TMEM100: variants seen among roughly 807,000 people sequenced by gnomAD.
TMEM100 encodes the protein transmembrane protein 100.
For synonymous variants in TMEM100, 61 were observed against 67.1 expected (o/e 0.91, Z 0.44); for missense variants, 137 against 168.2 (o/e 0.81, Z 1.02).
Position 55,720,722 on chromosome 17 carries a change from T to C in TMEM100, c.349A>G (p.Lys117Glu). The stretch of plus-strand genomic sequence containing the variant: ...AGAGCTGTTTGACTCTCCCGTCTCT[T>C]GGCTTTCTTGCTCCTTTGTCTCACT... ...WKVRQRSKKA[K>E]RRESQTALVA... Residue 117 changes from lysine to glutamate, a missense_variant, in exon 2 of 2, where the codon AAG becomes GAG. By Grantham distance (56) the Lys-to-Glu change is moderately conservative. Coordinates refer to ENST00000424486, the MANE Select transcript of TMEM100 (RefSeq NM_018286.3). The C allele has an allele frequency of 6.2e-7, 1 of 1,614,150 alleles. No individual in the cohort carries two copies. The highest frequency in any genetic ancestry group is 8.5e-7 in the Non-Finnish European group (1 of 1,179,994).
chr17:55,726,035 G>T (rs1447994433), upstream of TMEM100, among the ~76,000 whole-genome samples: 1 of 152,130 alleles, frequency 6.6e-6, no homozygotes, highest in African/African-American at 2.4e-5. Flanking sequence ...GGAGTACAAG[G>T]AAGATTAGGA....
Position 55,722,646 on chromosome 17 carries a change from G to A in TMEM100, c.-93C>T, listed in dbSNP as rs1223648201. 1 of 152,204 alleles carries A rather than the reference G, an allele frequency of 6.6e-6. No individual in the cohort carries two copies. Among genetic ancestry groups the A allele is most frequent in the African/African-American group, 2.4e-5 (1 of 41,446 alleles). 9.4% of individuals were successfully genotyped at this position (152,204 alleles called of 1,614,324 possible). A position where few individuals can be genotyped will look rare whatever the true frequency, so the allele number is the denominator to read the frequency against. ...CGGAGAGAGGCAATCCATTACCAGA[G>A]TAACCACTTGACTTGGAAGACAAGA... is the stretch of plus-strand genomic sequence containing the variant. On this transcript the variant is annotated 5_prime_UTR_variant, in exon 1 of 2. Transcript: ENST00000424486.
upstream of TMEM100, among the ~76,000 whole-genome samples, chr17:55,723,693 T>C (rs12103438): frequency 9.4e-3 from 1,433 of 152,276 alleles, 24 homozygotes; most frequent in African/African-American, 0.032. Flanking sequence ...TTAATGGATA[T>C]ATATATCATT....
Position 55,720,559 on chromosome 17 carries a change from T to G in TMEM100, c.*107A>C. 3.1e-6 allele frequency: 3 copies of G among 971,810 alleles called. No individual in the cohort carries two copies. Among genetic ancestry groups the G allele is most frequent in the Non-Finnish European group, 4.3e-6 (3 of 694,244 alleles). The allele number at this position is 971,810 out of a possible 1,614,324, so 60.2% of individuals were successfully genotyped here. Reference sequence around the variant, plus strand: ...CCCTCCCACCCCCATTCTTCCAGTCTGCTCCAACGCCAAGTCTGTTCTCTC... The same window carrying G: ...CCCTCCCACCCCCATTCTTCCAGTCGGCTCCAACGCCAAGTCTGTTCTCTC... On this transcript the variant is annotated 3_prime_UTR_variant, in exon 2 of 2. Coordinates refer to ENST00000424486, the MANE Select transcript of TMEM100 (RefSeq NM_018286.3).
At chr17:55,727,939 G>A (rs1018847988) in exon 2 of TMEM100, 1 of 152,310 alleles carries the variant, frequency 6.6e-6, no homozygotes. Context: ...GGCTTGGTAA[G>A]AGGAGCATGG....
At chr17:55,723,921 G>A (rs1908991328), upstream of TMEM100, among the ~76,000 whole-genome samples, 1 of 152,140 alleles carries the variant, frequency 6.6e-6, no homozygotes, top group African/African-American at 2.4e-5. Context: ...CTTTCTTACA[G>A]ACAAACTGTG....
At chr17:55,724,076 A>G (rs1908997920), upstream of TMEM100, among the ~76,000 whole-genome samples, 1 of 152,230 alleles carries the variant, frequency 6.6e-6, no homozygotes, top group African/African-American at 2.4e-5. Flanking sequence ...AACCTCTTCT[A>G]ATTAATACTG....
chr17:55,723,115 T>C (rs973569942), upstream of TMEM100: 7 of 152,478 alleles, frequency 4.6e-5, no homozygotes, highest in African/African-American at 1.7e-4. Flanking sequence ...ACTCATTTTT[T>C]CCCCCGCCGA....
intron 1 of TMEM100, among the ~76,000 whole-genome samples, chr17:55,731,151 G>A: frequency 6.6e-6 from 1 of 152,254 alleles, no homozygotes; most frequent in East Asian, 1.9e-4. Context: ...TAGTCTCAGG[G>A]AAACCTTGCT....
chr17:55,720,546 C>CCA lies in TMEM100; in HGVS notation c.*119_*120insTG. The CCA allele has an allele frequency of 1.7e-6, 2 of 1,164,966 alleles. No homozygotes were observed. The highest frequency in any genetic ancestry group is 2.4e-6 in the Non-Finnish European group (2 of 832,364). The allele number at this position is 1,164,966 out of a possible 1,614,324, so 72.2% of individuals were successfully genotyped here. A position where few individuals can be genotyped will look rare whatever the true frequency, so the allele number is the denominator to read the frequency against. ...AGAAGCCCCTCCACCCTCCCACCCCCATTCTTCCAGTCTGCTCCAACGCCA... is the reference window on the plus strand; with the variant it reads ...AGAAGCCCCTCCACCCTCCCACCCCCCAATTCTTCCAGTCTGCTCCAACGCCA... On this transcript the variant is annotated 3_prime_UTR_variant, in exon 2 of 2. Coordinates refer to ENST00000424486, the MANE Select transcript of TMEM100 (RefSeq NM_018286.3).
upstream of TMEM100, among the ~76,000 whole-genome samples, chr17:55,724,689 A>G (rs966546522): frequency 6.6e-6 from 1 of 152,192 alleles, no homozygotes; most frequent in African/African-American, 2.4e-5. Context: ...AACTGCACTG[A>G]AGCTCTGAAT....
In TMEM100 at chr17:55,720,703, G is replaced by A. The variant is rs370280606; in HGVS notation, c.368C>T (p.Thr123Ile). The change falls in exon 2 of 2, where the codon ACA (threonine) becomes ATA (isoleucine). Residue 123 changes from threonine (T) to isoleucine (I), a missense_variant. Coordinates refer to ENST00000424486, the MANE Select transcript of TMEM100 (RefSeq NM_018286.3). ...GCTTCTCTGATTTGCCACGAGAGCT[G>A]TTTGACTCTCCCGTCTCTTGGCTTT... ...SKKAKRRESQ[T>I]ALVANQRSLF... is the part of the protein sequence containing the mutation. 2 of 1,613,236 alleles carry A rather than the reference G, an allele frequency of 1.2e-6. No homozygotes were observed. Among genetic ancestry groups the A allele is most frequent in the Non-Finnish European group, 1.7e-6 (2 of 1,179,700 alleles).
chr17:55,726,179 C>T (rs142513071), upstream of TMEM100, among the ~76,000 whole-genome samples: 37 of 152,260 alleles, frequency 2.4e-4, no homozygotes, highest in African/African-American at 7.5e-4. Context: ...ATCACACCTC[C>T]GAGGTGACCT....
In TMEM100 at chr17:55,728,749, G is replaced by C. The variant is rs191570395; in HGVS notation, c.-358-767C>G. On this transcript the variant is annotated intron_variant, in intron 1 of 3. Transcript: ENST00000575734. ...TCCTTTTCTTGAAGGAATAACAAAC[G>C]GCTGTGGAAGGCCCAGGGAAGATGA... 7.9e-5 allele frequency among the ~76,000 whole-genome samples: 12 copies of C among 152,298 alleles called. No individual in the cohort carries two copies. The East Asian group carries it at 2.3e-3, about 29-fold the overall frequency.
At chr17:55,727,632 C>T (rs888861277), upstream of TMEM100, among the ~76,000 whole-genome samples, 21 of 152,260 alleles carry the variant, frequency 1.4e-4, no homozygotes, top group African/African-American at 5.1e-4. Flanking sequence ...GGCACCCAGT[C>T]GACTCCTAAT....
upstream of TMEM100, among the ~76,000 whole-genome samples, chr17:55,725,323 A>T (rs1053547168): frequency 6.6e-6 from 1 of 152,154 alleles, no homozygotes; most frequent in Non-Finnish European, 1.5e-5. Context: ...AGAAGAGGAA[A>T]TCTCTCTAGT....
At chr17:55,731,633 T>A (rs1049684122) in intron 1 of TMEM100, 2 of 152,138 alleles carry the variant, frequency 1.3e-5, no homozygotes, top group South Asian at 4.1e-4. Flanking sequence ...TTTAAAAAAA[T>A]ATTCCCTGAT....
intron 1 of TMEM100, among the ~76,000 whole-genome samples, chr17:55,728,650 G>A (rs570561139): frequency 8.5e-5 from 13 of 152,298 alleles, no homozygotes; most frequent in African/African-American, 2.9e-4. Flanking sequence ...AAAACAGTGG[G>A]CAAAGCATGG....
rs930421442 is a variant in TMEM100 at position 55,719,776 on chromosome 17, A to G, written c.*890T>C. On this transcript the variant is annotated 3_prime_UTR_variant, in exon 2 of 2. Coordinates refer to ENST00000424486, the MANE Select transcript of TMEM100 (RefSeq NM_018286.3). ...GAAGTAATGAAAAACCAATATGATA[A>G]AAACAAAAATCCTCCAGTAAAGAAG... is the stretch of plus-strand genomic sequence containing the variant. The G allele has an allele frequency of 4.6e-5, 7 of 152,564 alleles. No homozygotes were observed. Among genetic ancestry groups the G allele is most frequent in the Admixed American group, 2.0e-4 (3 of 15,286 alleles). The allele number at this position is 152,564 out of a possible 1,614,324, so 9.5% of individuals were successfully genotyped here.
Sources: gnomAD v4.1 joint callset for allele counts (sites outside exome capture counted in the v4.1 genomes callset) on GRCh38, gnomAD v4.1.1 for gene constraint, MANE v1.5 for transcripts, NCBI Gene and HGNC (gene_info 2026-07-23, HGNC 2026-07-21) for gene names.